MCFD2: variants seen among roughly 807,000 people sequenced by gnomAD.
MCFD2 encodes multiple coagulation factor deficiency protein 2.
MCFD2 carries 11 observed loss-of-function variants against 12.8 expected under a neutral mutation model. The observed-to-expected ratio is 0.86, with a 90% CI of 0.54 to 1.42. The LOEUF (loss-of-function observed/expected upper bound fraction) is 1.42. Ranked by LOEUF, MCFD2 falls within the 40% of genes most tolerant of loss-of-function variation. The pLI is 0.00. For synonymous variants in MCFD2, 70 were observed against 68.1 expected (o/e 1.03, Z -0.14); for missense variants, 191 against 178.6 (o/e 1.07, Z -0.40).
At chr2:46,933,923 G>A (rs561562804) in intron 1 of MCFD2, among the ~76,000 whole-genome samples, 22 of 152,160 alleles carry the variant, frequency 1.4e-4, no homozygotes, top group Non-Finnish European at 2.9e-4. Context: ...TATGAAAGAA[G>A]AGGCCAGAGT....
Position 46,940,989 on chromosome 2 carries a change from C to T in MCFD2, c.-8+583G>A, listed in dbSNP as rs1287333129. Reference sequence around the variant, plus strand: ...GGGGAGGGGGCGGGAAGCGAGGCGCCCCCGGGCGCCGGGGCTCCGCGCGGG... The same window carrying T: ...GGGGAGGGGGCGGGAAGCGAGGCGCTCCCGGGCGCCGGGGCTCCGCGCGGG... On this transcript the variant is annotated intron_variant, in intron 1 of 2. Transcript: ENST00000409147. The surrounding 1 kb of genome is among the most constrained non-coding windows in gnomAD (Gnocchi z 4.7). Among the ~76,000 whole-genome samples the T allele has an allele frequency of 1.3e-5, 2 of 151,602 alleles. No individual in the cohort carries two copies. The highest frequency in any genetic ancestry group is 4.9e-5 in the African/African-American group (2 of 40,992).
In MCFD2 at chr2:46,909,099, T is replaced by C. The variant is rs201005763; in HGVS notation, c.73A>G (p.Arg25Gly). ...LLWAFCAPGA[R>G]AEEPAASFSQ... The stretch of plus-strand genomic sequence containing the variant: ...AAGCTGGCTGCAGGCTCCTCAGCCC[T>C]GGCGCCTGGGGCACAAAAGGCCCAG... Residue 25 changes from arginine (R) to glycine (G), a missense_variant, in exon 2 of 4, where the codon AGG becomes GGG. By Grantham distance (125) the Arg-to-Gly change is moderately radical. Transcript: ENST00000319466. 1 of 1,614,184 alleles carries C rather than the reference T, an allele frequency of 6.2e-7. No homozygotes were observed. Among genetic ancestry groups the C allele is most frequent in the Admixed American group, 1.7e-5 (1 of 60,018 alleles).
rs59068176 is a variant in MCFD2 at position 46,905,695 on chromosome 2, T to TA, written c.310-102dup. 0.16 allele frequency: 79,598 copies of TA among 494,766 alleles called. 3,090 individuals carry two copies. Among genetic ancestry groups the TA allele is most frequent in the Non-Finnish European group, 0.18 (53,252 of 298,272 alleles). The allele number at this position is 494,766 out of a possible 1,614,324, so 30.6% of individuals were successfully genotyped here. A position where few individuals can be genotyped will look rare whatever the true frequency, so the allele number is the denominator to read the frequency against. ...CATGTTCTTTCATGGCACTGTTTAT[T>TA]AAAAAAAAAAAAAAAAAAAAGGAAA... On this transcript the variant is annotated intron_variant, in intron 3 of 3. Transcript: ENST00000319466.
chr2:46,936,998 G>T (rs1165574886), intron 1 of MCFD2, among the ~76,000 whole-genome samples: 1 of 151,922 alleles, frequency 6.6e-6, no homozygotes, highest in East Asian at 1.9e-4. Flanking sequence ...GGGACCACAG[G>T]CACCTGCCCA....
At chr2:46,913,752 A>G (rs1668578373) in intron 1 of MCFD2, 1 of 152,462 alleles carries the variant, frequency 6.6e-6, no homozygotes, top group Admixed American at 6.5e-5. Context: ...GCAGTGCTGG[A>G]CCATCAGGAG....
At chr2:46,915,817 C>A (rs1347085847), upstream of MCFD2, 3 of 42,860 alleles carry the variant, frequency 7.0e-5, no homozygotes, top group Non-Finnish European at 1.2e-4. Flanking sequence ...CCCCGCCCCC[C>A]CCCCCCCCCC....
upstream of MCFD2, among the ~76,000 whole-genome samples, chr2:46,918,685 G>T (rs1258073575): frequency 6.6e-6 from 1 of 152,218 alleles, no homozygotes; most frequent in Non-Finnish European, 1.5e-5. Flanking sequence ...TAGTGAAACT[G>T]TCACTTGCTG....
intron 1 of MCFD2, among the ~76,000 whole-genome samples, chr2:46,932,522 CTTTT>C: frequency 6.6e-6 from 1 of 152,130 alleles, no homozygotes; most frequent in East Asian, 1.9e-4. Context: ...TATGCACTTT[CTTTT>C]GTGTTATTTT....
chr2:46,915,948 C>G (rs970488745), upstream of MCFD2: 1 of 985,314 alleles, frequency 1.0e-6, no homozygotes, highest in Non-Finnish European at 1.2e-6. Flanking sequence ...CGGCCCGGGC[C>G]CAGCACTGGC....
Position 46,908,216 on chromosome 2 carries a change from T to G in MCFD2, c.150-247A>C, listed in dbSNP as rs938896337. 5.8e-5 allele frequency: 32 copies of G among 551,874 alleles called. No individual in the cohort carries two copies. Among genetic ancestry groups the G allele is most frequent in the Non-Finnish European group, 9.1e-5 (28 of 309,214 alleles). 34.2% of individuals were successfully genotyped at this position (551,874 alleles called of 1,614,324 possible). A position where few individuals can be genotyped will look rare whatever the true frequency, so the allele number is the denominator to read the frequency against. On this transcript the variant is annotated intron_variant, in intron 2 of 3. Coordinates refer to ENST00000319466, the MANE Select transcript of MCFD2 (RefSeq NM_139279.6). The surrounding 1 kb of genome is among the most constrained non-coding windows in gnomAD (Gnocchi z 4.5). Reference sequence around the variant, plus strand: ...TTCTTTCCTCTTTATTATTAGAATTTTGTTATAACATTTTCAGGCCATCAA... The same window carrying G: ...TTCTTTCCTCTTTATTATTAGAATTGTGTTATAACATTTTCAGGCCATCAA...
intron 1 of MCFD2, chr2:46,913,839 C>T (rs6706031): frequency 0.092 from 14,160 of 153,582 alleles, 749 homozygotes; most frequent in African/African-American, 0.14. Flanking sequence ...CCACAGCCTC[C>T]GCTCCTACTG....
chr2:46,912,198 G>T (rs1343408627), intron 1 of MCFD2, among the ~76,000 whole-genome samples: 2 of 152,158 alleles, frequency 1.3e-5, no homozygotes, highest in African/African-American at 4.8e-5. Flanking sequence ...AATTTGCTGG[G>T]CATGGTGGCG....
chr2:46,917,371 T>G, upstream of MCFD2: 1 of 591,938 alleles, frequency 1.7e-6, no homozygotes, highest in Non-Finnish European at 3.0e-6. Context: ...GAACTTTGGA[T>G]TAGTTTGATC....
In MCFD2 at chr2:46,908,831, C is replaced by T; in HGVS notation, c.149+192G>A. 1.4e-6 allele frequency: 1 copy of T among 732,624 alleles called. No individual in the cohort carries two copies. The highest frequency in any genetic ancestry group is 2.8e-5 in the East Asian group (1 of 36,154). The allele number at this position is 732,624 out of a possible 1,614,324, so 45.4% of individuals were successfully genotyped here. A position where few individuals can be genotyped will look rare whatever the true frequency, so the allele number is the denominator to read the frequency against. On this transcript the variant is annotated intron_variant, in intron 2 of 3. Transcript: ENST00000319466. This position sits in a 1 kb window ranked among gnomAD's most constrained non-coding sequence, Gnocchi z 4.5. ...GCCCCATTTGGGCCTAAAGATCTTCCACCTGTGATACAATGATGAAAAAAG... is the reference window on the plus strand; with the variant it reads ...GCCCCATTTGGGCCTAAAGATCTTCTACCTGTGATACAATGATGAAAAAAG...
In MCFD2 at chr2:46,908,787, G is replaced by A. The variant is rs1223818710; in HGVS notation, c.149+236C>T. 6 of 567,758 alleles carry A rather than the reference G, an allele frequency of 1.1e-5. No individual in the cohort carries two copies. Among genetic ancestry groups the A allele is most frequent in the East Asian group, 3.1e-5 (1 of 32,374 alleles). 35.2% of individuals were successfully genotyped at this position (567,758 alleles called of 1,614,324 possible). ...TCTGTGGTGAAAAAAAGGAGAGACCGGATTCAGACAAGTAATGTGCCCCAT... is the reference window on the plus strand; with the variant it reads ...TCTGTGGTGAAAAAAAGGAGAGACCAGATTCAGACAAGTAATGTGCCCCAT... On this transcript the variant is annotated intron_variant, in intron 2 of 3. Coordinates refer to ENST00000319466, the MANE Select transcript of MCFD2 (RefSeq NM_139279.6). The surrounding 1 kb of genome is among the most constrained non-coding windows in gnomAD (Gnocchi z 4.5).
chr2:46,939,543 C>T (rs1484164522), intron 1 of MCFD2, among the ~76,000 whole-genome samples: 1 of 152,188 alleles, frequency 6.6e-6, no homozygotes, highest in Non-Finnish European at 1.5e-5. Flanking sequence ...AGCAGTGATT[C>T]CCTCTACAGT....
chr2:46,912,110 T>C (rs1668511578), intron 1 of MCFD2, among the ~76,000 whole-genome samples: 1 of 152,082 alleles, frequency 6.6e-6, no homozygotes. Context: ...CCGAGGCAAG[T>C]GGATCACTTG....
chr2:46,915,939 G>A (rs1668756642), upstream of MCFD2: 5 of 985,234 alleles, frequency 5.1e-6, no homozygotes, highest in South Asian at 2.3e-4. Flanking sequence ...ACGTGTAATC[G>A]GCCCGGGCCC....
At chr2:46,906,163 A>AT (rs1314520742) in intron 3 of MCFD2, among the ~76,000 whole-genome samples, 1 of 152,082 alleles carries the variant, frequency 6.6e-6, no homozygotes, top group African/African-American at 2.4e-5. Context: ...CCTTTGCCAC[A>AT]TCTCCCACAT....
Sources: gnomAD v4.1 joint callset for allele counts (sites outside exome capture counted in the v4.1 genomes callset) on GRCh38, gnomAD v4.1.1 for gene constraint, Gnocchi (gnomAD v3.1) non-coding constraint, MANE v1.5 for transcripts, NCBI Gene and HGNC (gene_info 2026-07-23, HGNC 2026-07-21) for gene names.